Variants in MTF1 observed in about 807,000 individuals in gnomAD.
The protein encoded by MTF1 is metal regulatory transcription factor 1.
MTF1 carries 22 observed loss-of-function variants against 70.4 expected under a neutral mutation model. The ratio of observed to expected loss-of-function variants is 0.31; its 90% CI spans 0.22 to 0.45. The LOEUF (loss-of-function observed/expected upper bound fraction) is 0.45, where lower values mean the gene tolerates loss of function less well. Among genes scored for constraint, MTF1 ranks in the 20% least tolerant of loss-of-function variants. The pLI, the probability that MTF1 is intolerant of heterozygous loss-of-function variation, is 1.00. For synonymous variants in MTF1, 333 were observed against 352.8 expected (o/e 0.94, Z 0.63); for missense variants, 649 against 922.0 (o/e 0.70, Z 3.83).
intron 2 of MTF1, among the ~76,000 whole-genome samples, chr1:37,843,387 A>C (rs1641285236): frequency 6.6e-6 from 1 of 152,088 alleles, no homozygotes; most frequent in African/African-American, 2.4e-5. Flanking sequence ...GGATTTAAGG[A>C]GGAAAATAAA....
At position 37,810,664 on chromosome 1, in the gene MTF1, T is replaced by C. The variant is rs1035820760; in HGVS notation, c.*4472A>G. 2 of 152,228 alleles carry C rather than the reference T, an allele frequency of 1.3e-5. No homozygotes were observed. The highest frequency in any genetic ancestry group is 2.9e-5 in the Non-Finnish European group (2 of 68,038). 9.4% of individuals were successfully genotyped at this position (152,228 alleles called of 1,614,324 possible). A position where few individuals can be genotyped will look rare whatever the true frequency, so the allele number is the denominator to read the frequency against. ...ATATTAAGGAACAGACAATTTCTGA[T>C]CTATGTCACAGCAGAACTATTTGCA... On this transcript the variant is annotated 3_prime_UTR_variant, in exon 11 of 11. Coordinates refer to ENST00000373036, the MANE Select transcript of MTF1 (RefSeq NM_005955.3).
Position 37,811,914 on chromosome 1 carries a change from G to C in MTF1, c.*3222C>G, listed in dbSNP as rs889505351. On this transcript the variant is annotated 3_prime_UTR_variant, in exon 11 of 11. Transcript: ENST00000373036. The stretch of plus-strand genomic sequence containing the variant: ...GGCCAGACCCTGCCAGCAAAGACTG[G>C]GCCACCTTCCCTCAATGCCCAACCT... 6.6e-6 allele frequency: 1 copy of C among 152,638 alleles called. No homozygotes were observed. The highest frequency in any genetic ancestry group is 1.5e-5 in the Non-Finnish European group (1 of 68,070). The allele number at this position is 152,638 out of a possible 1,614,324, so 9.5% of individuals were successfully genotyped here.
At chr1:37,834,453 T>C (rs1473160740) in intron 6 of MTF1, among the ~76,000 whole-genome samples, 1 of 152,008 alleles carries the variant, frequency 6.6e-6, no homozygotes, top group African/African-American at 2.4e-5. Flanking sequence ...GGACCTTATC[T>C]CTATTAAAAT....
rs1186643313 is a variant in MTF1, at chr1:37,840,491, CTTTGT to C, written c.409-338_409-334del. On this transcript the variant is annotated intron_variant, in intron 2 of 10. Transcript: ENST00000373036. This position sits in a 1 kb window ranked among gnomAD's most constrained non-coding sequence, Gnocchi z 4.5. ...TACCTGTATTCAGATAAGATCTTAA[CTTTGT>C]TTTAAGGCTTGACTAAACACCCTGA... 8.4e-6 allele frequency: 4 copies of C among 475,638 alleles called. No homozygotes were observed. Among genetic ancestry groups the C allele is most frequent in the Admixed American group, 7.0e-5 (3 of 43,086 alleles). The allele number at this position is 475,638 out of a possible 1,614,324, so 29.5% of individuals were successfully genotyped here.
In MTF1 at chr1:37,817,403, AC is replaced by A. The variant is rs776284512; in HGVS notation, c.1831+15del. ...ACAGAGTTGCCTTCTCTTAAGGCTAACATGGAATTACATACCTGGGCTACTG... is the reference window on the plus strand; with the variant it reads ...ACAGAGTTGCCTTCTCTTAAGGCTAAATGGAATTACATACCTGGGCTACTG... On this transcript the variant is annotated intron_variant, in intron 10 of 10. Transcript: ENST00000373036. 2.6e-6 allele frequency: 4 copies of A among 1,565,798 alleles called. No homozygotes were observed. The Admixed American group carries it at 6.7e-5, about 26-fold the overall frequency.
At chr1:37,820,166 C>T (rs61778076) in intron 9 of MTF1, among the ~76,000 whole-genome samples, 14,382 of 152,106 alleles carry the variant, frequency 0.095, 860 homozygotes, top group Middle Eastern at 0.24. Context: ...TAGATCTAGA[C>T]GGGGTTGGCA....
intron 2 of MTF1, among the ~76,000 whole-genome samples, chr1:37,850,240 C>CAAA (rs5773605): frequency 1.9e-3 from 127 of 66,146 alleles, no homozygotes; most frequent in Non-Finnish European, 2.4e-3. Context: ...CTGTCTCAAC[C>CAAA]AAAAAAAAAA....
At chr1:37,849,795 G>C (rs1276205310) in intron 2 of MTF1, among the ~76,000 whole-genome samples, 2 of 152,178 alleles carry the variant, frequency 1.3e-5, no homozygotes, top group African/African-American at 4.8e-5. Flanking sequence ...GCTAAGGAGG[G>C]AGAATTGGTT....
In MTF1 at chr1:37,815,012, G is replaced by C. The variant is rs990004326; in HGVS notation, c.*124C>G. The C allele has an allele frequency of 4.5e-5, 35 of 769,938 alleles. No individual in the cohort carries two copies. The highest frequency in any genetic ancestry group is 7.0e-5 in the African/African-American group (4 of 56,850). The allele number at this position is 769,938 out of a possible 1,614,324, so 47.7% of individuals were successfully genotyped here. A position where few individuals can be genotyped will look rare whatever the true frequency, so the allele number is the denominator to read the frequency against. ...GGATGTGAATAAAGAAAATACGTCT[G>C]AAAGGTGAGGATTTCAAACAGTAGA... On this transcript the variant is annotated 3_prime_UTR_variant, in exon 11 of 11. Transcript: ENST00000373036. This position sits in a 1 kb window ranked among gnomAD's most constrained non-coding sequence, Gnocchi z 4.5.
At chr1:37,825,717 A>T (rs928978871) in intron 7 of MTF1, among the ~76,000 whole-genome samples, 1 of 152,158 alleles carries the variant, frequency 6.6e-6, no homozygotes, top group South Asian at 2.1e-4. Context: ...CGCCTACTCA[A>T]TGTGAAGACG....
intron 2 of MTF1, among the ~76,000 whole-genome samples, chr1:37,850,566 A>AGAGAG (rs1557598730): frequency 2.0e-5 from 3 of 146,544 alleles, no homozygotes; most frequent in African/African-American, 7.7e-5. Flanking sequence ...GGGAGAGAGA[A>AGAGAG]AGAGAGAGAG....
chr1:37,834,627 T>C (rs1213144681), intron 6 of MTF1: 1 of 456,564 alleles, frequency 2.2e-6, no homozygotes, highest in East Asian at 6.9e-5. Context: ...CCTAAGAAGC[T>C]CACTTAACAG....
chr1:37,843,266 AATAGGACT>A (rs2148416430), intron 2 of MTF1, among the ~76,000 whole-genome samples: 1 of 151,174 alleles, frequency 6.6e-6, no homozygotes, highest in African/African-American at 2.4e-5. Flanking sequence ...ATCCCAAAGC[AATAGGACT>A]ACAGGGTTAA....
intron 7 of MTF1, among the ~76,000 whole-genome samples, chr1:37,828,597 G>A (rs28592210): frequency 1.3e-5 from 2 of 152,192 alleles, no homozygotes; most frequent in Non-Finnish European, 2.9e-5. Context: ...AAGCCACCAC[G>A]CCTGGCTGGG....
At chr1:37,816,517 A>C (rs141924937) in intron 10 of MTF1, among the ~76,000 whole-genome samples, 30 of 152,148 alleles carry the variant, frequency 2.0e-4, no homozygotes, top group Middle Eastern at 3.4e-3. Flanking sequence ...TCTACTAAAA[A>C]TACAAAAATT....
At chr1:37,819,501 C>T (rs1640877662) in intron 9 of MTF1, among the ~76,000 whole-genome samples, 2 of 152,240 alleles carry the variant, frequency 1.3e-5, no homozygotes, top group East Asian at 1.9e-4. Flanking sequence ...AGTATACTTC[C>T]TATTACATGG....
intron 6 of MTF1, 44 bp downstream of exon 6, chr1:37,835,034 TG>T (rs1319276110): frequency 6.3e-7 from 1 of 1,599,532 alleles, no homozygotes; most frequent in Non-Finnish European, 8.6e-7. Flanking sequence ...AAACAACTGT[TG>T]AAGTTCTATG....
intron 9 of MTF1, among the ~76,000 whole-genome samples, chr1:37,820,671 A>G (rs1379164586): frequency 6.6e-6 from 1 of 152,234 alleles, no homozygotes; most frequent in African/African-American, 2.4e-5. Context: ...ATGTGAAACT[A>G]TTCTGGATAT....
Position 37,815,415 on chromosome 1 carries a change from C to A in MTF1, c.1983G>T (p.Pro661=), listed in dbSNP as rs778941239. 1.2e-6 allele frequency: 2 copies of A among 1,613,480 alleles called. No individual in the cohort carries two copies. Among genetic ancestry groups the A allele is most frequent in the Non-Finnish European group, 1.7e-6 (2 of 1,179,776 alleles). The change falls in exon 11 of 11, where the codon CCG becomes CCT. Residue 661 remains proline, a synonymous_variant. Coordinates refer to ENST00000373036, the MANE Select transcript of MTF1 (RefSeq NM_005955.3). The surrounding 1 kb of genome is among the most constrained non-coding windows in gnomAD (Gnocchi z 4.5). The part of the protein sequence containing the change: ...KGCSSPPPPE[P]SPQAPDGPSL... ...TGGGCCCATCAGGAGCCTGGGGGCT[C>A]GGCTCTGGAGGGGGTGGGGAGGAGC...
Sources: allele counts gnomAD v4.1 joint callset (sites outside exome capture counted in the v4.1 genomes callset), GRCh38; gene constraint gnomAD v4.1.1; non-coding constraint Gnocchi (gnomAD v3.1); transcripts MANE v1.5; gene names NCBI Gene and HGNC (gene_info 2026-07-23, HGNC 2026-07-21).